The following MAGI2 variants were observed in gnomAD, a reference collection of about 807,000 sequenced individuals.
MAGI2 encodes membrane associated guanylate kinase, WW and PDZ domain containing 2.
Under a neutral mutation model 133.3 loss-of-function variants are expected in MAGI2, and 35 were observed. The ratio of observed to expected loss-of-function variants is 0.26; its 90% CI spans 0.20 to 0.35. MAGI2 has a LOEUF of 0.35. Among genes scored for constraint, MAGI2 ranks in the 10% least tolerant of loss-of-function variants. The pLI is 1.00. For synonymous variants in MAGI2, 729 were observed against 710.6 expected, an observed-to-expected ratio of 1.03 and a Z score of -0.41; for missense variants, 1,636 against 1,863.4, an observed-to-expected ratio of 0.88 and a Z score of 2.25.
chr7:78,650,716 C>T (rs914585979), intron 2 of MAGI2, among the ~76,000 whole-genome samples: 3 of 152,098 alleles, frequency 2.0e-5, no homozygotes, highest in Non-Finnish European at 2.9e-5. Context: ...TAGTCTTTGT[C>T]CTCCCTTCAC....
intron 1 of MAGI2, among the ~76,000 whole-genome samples, chr7:79,188,496 T>C (rs1381946950): frequency 6.6e-6 from 1 of 151,890 alleles, no homozygotes; most frequent in Admixed American, 6.6e-5. Context: ...ATGGTGTATA[T>C]GTACCACATT....
At chr7:79,119,161 C>A (rs1819662910) in intron 1 of MAGI2, among the ~76,000 whole-genome samples, 1 of 152,126 alleles carries the variant, frequency 6.6e-6, no homozygotes, top group Non-Finnish European at 1.5e-5. Context: ...AGTAATTTCT[C>A]TGTCTGGTTC....
At chr7:79,013,430 A>G (rs1808381803) in intron 1 of MAGI2, among the ~76,000 whole-genome samples, 1 of 152,200 alleles carries the variant, frequency 6.6e-6, no homozygotes, top group Non-Finnish European at 1.5e-5. Context: ...AAGATATTTT[A>G]ATGAGTAACC....
intron 20 of MAGI2, among the ~76,000 whole-genome samples, chr7:78,114,924 G>C (rs941670842): frequency 6.6e-6 from 1 of 152,248 alleles, no homozygotes; most frequent in Non-Finnish European, 1.5e-5. Context: ...CACTGTGAGA[G>C]GGGGCAACTG....
At chr7:78,457,084 G>A (rs1329005718) in intron 6 of MAGI2, 1 of 152,190 alleles carries the variant, frequency 6.6e-6, no homozygotes, top group Non-Finnish European at 1.5e-5. Flanking sequence ...GAACTGCAAT[G>A]AATATCCTCT....
At chr7:78,320,177 A>T (rs1235618987) in intron 9 of MAGI2, among the ~76,000 whole-genome samples, 2 of 152,204 alleles carry the variant, frequency 1.3e-5, no homozygotes, top group Admixed American at 6.5e-5. Flanking sequence ...TTCACAGCCG[A>T]ATTTTACCAG....
At chr7:78,653,162 T>C (rs1414753931) in intron 2 of MAGI2, among the ~76,000 whole-genome samples, 1 of 152,104 alleles carries the variant, frequency 6.6e-6, no homozygotes, top group African/African-American at 2.4e-5. Context: ...TGTGGAGAAA[T>C]AGGAACACTT....
At chr7:78,405,605 C>T (rs1562952147) in intron 6 of MAGI2, among the ~76,000 whole-genome samples, 1 of 152,060 alleles carries the variant, frequency 6.6e-6, no homozygotes, top group Non-Finnish European at 1.5e-5. Flanking sequence ...AATCTTACAA[C>T]ATTACCTATT....
At chr7:79,347,824 T>G (rs2129106708) in intron 1 of MAGI2, among the ~76,000 whole-genome samples, 1 of 152,088 alleles carries the variant, frequency 6.6e-6, no homozygotes, top group Middle Eastern at 3.4e-3. Context: ...TAGCTTTGTG[T>G]GTATGGCCAT....
At chr7:78,031,860 T>C (rs1809603490) in intron 21 of MAGI2, among the ~76,000 whole-genome samples, 1 of 152,206 alleles carries the variant, frequency 6.6e-6, no homozygotes, top group Admixed American at 6.5e-5. Context: ...GGGGTATTCA[T>C]GATCTTCCTC....
intron 10 of MAGI2, among the ~76,000 whole-genome samples, chr7:78,210,314 T>C (rs1253441200): frequency 6.6e-6 from 1 of 152,120 alleles, no homozygotes; most frequent in Non-Finnish European, 1.5e-5. Flanking sequence ...GTGAGGAATG[T>C]AGGATACAGA....
At chr7:78,073,618 T>C (rs558372243) in intron 21 of MAGI2, among the ~76,000 whole-genome samples, 15 of 152,314 alleles carry the variant, frequency 9.8e-5, no homozygotes, top group Admixed American at 9.2e-4. Flanking sequence ...ACTGCTTATG[T>C]TGGGAATTTT....
chr7:78,053,910 G>T (rs1425670728), intron 21 of MAGI2, among the ~76,000 whole-genome samples: 1 of 152,094 alleles, frequency 6.6e-6, no homozygotes, highest in East Asian at 1.9e-4. Flanking sequence ...TTGCTGTGAG[G>T]TATTAAAGGC....
chr7:78,120,218 C>T (rs1820296255), intron 20 of MAGI2, among the ~76,000 whole-genome samples: 1 of 152,072 alleles, frequency 6.6e-6, no homozygotes, highest in East Asian at 1.9e-4. Context: ...CTGGCTAACA[C>T]GGTGAAACCC....
At chr7:78,863,504 A>T (rs1794315213) in intron 2 of MAGI2, among the ~76,000 whole-genome samples, 1 of 152,040 alleles carries the variant, frequency 6.6e-6, no homozygotes, top group Non-Finnish European at 1.5e-5. Flanking sequence ...GTGAGCACTC[A>T]CTCATTACTG....
intron 3 of MAGI2, among the ~76,000 whole-genome samples, chr7:78,522,604 T>C (rs1396426448): frequency 6.6e-6 from 1 of 152,134 alleles, no homozygotes; most frequent in Non-Finnish European, 1.5e-5. Flanking sequence ...GATCTCAAAC[T>C]CCTGACCTCA....
intron 1 of MAGI2, among the ~76,000 whole-genome samples, chr7:79,164,596 T>C (rs1554391093): frequency 6.6e-6 from 1 of 152,004 alleles, no homozygotes; most frequent in Non-Finnish European, 1.5e-5. Flanking sequence ...GTCTCCACAG[T>C]CTTTTACCCT....
chr7:78,375,965 CA>C (rs1181085696), intron 6 of MAGI2, among the ~76,000 whole-genome samples: 1 of 152,004 alleles, frequency 6.6e-6, no homozygotes, highest in African/African-American at 2.4e-5. Context: ...TTTTTGCTAA[CA>C]AAAGGTATTA....
intron 2 of MAGI2, among the ~76,000 whole-genome samples, chr7:78,813,283 GA>G (rs1429877332): frequency 6.6e-6 from 1 of 152,096 alleles, no homozygotes; most frequent in Non-Finnish European, 1.5e-5. Flanking sequence ...ATATAGATGT[GA>G]AAATCTTTTG....
Sources: gnomAD v4.1 joint callset for allele counts (sites outside exome capture counted in the v4.1 genomes callset) on GRCh38, gnomAD v4.1.1 for gene constraint, MANE v1.5 for transcripts, NCBI Gene and HGNC (gene_info 2026-07-23, HGNC 2026-07-21) for gene names.